ADRA1D: variants seen among roughly 807,000 people sequenced by gnomAD.
ADRA1D encodes the protein adrenoceptor alpha 1D, also known as alpha-1D adrenergic receptor.
Under a neutral mutation model 18.6 loss-of-function variants are expected in ADRA1D, and 22 were observed. The observed-to-expected ratio is 1.19, with a 90% CI of 0.85 to 1.69. The LOEUF is 1.69. Ranked by LOEUF, ADRA1D falls within the 40% of genes most tolerant of loss-of-function variation. The pLI is 0.00. For missense variants in ADRA1D, 840 were observed against 840.7 expected (o/e 1.00, Z 0.01); for synonymous variants, 376 against 388.2 (o/e 0.97, Z 0.37).
In ADRA1D at chr20:4,249,150, C is replaced by T; in HGVS notation, c.-193G>A. The T allele has an allele frequency of 3.6e-6, 1 of 274,252 alleles. No homozygotes were observed. Among genetic ancestry groups the T allele is most frequent in the Non-Finnish European group, 5.9e-6 (1 of 168,372 alleles). 17.0% of individuals were successfully genotyped at this position (274,252 alleles called of 1,614,324 possible). On this transcript the variant is annotated 5_prime_UTR_variant, in exon 1 of 2. Transcript: ENST00000379453. ...CTGCCTGGCCCGGGCGGCGGCCGGG[C>T]TCCCCGAGGCCGGCCGTGGAGTAGC...
chr20:4,228,237 G>C (rs989490134), intron 1 of ADRA1D, among the ~76,000 whole-genome samples: 1 of 152,110 alleles, frequency 6.6e-6, no homozygotes, highest in Non-Finnish European at 1.5e-5. Context: ...TCCTGACTCT[G>C]GAGCAATTTA....
intron 1 of ADRA1D, among the ~76,000 whole-genome samples, chr20:4,229,125 G>A (rs835882): frequency 0.049 from 7,455 of 152,226 alleles, 434 homozygotes; most frequent in African/African-American, 0.14. Context: ...AAATGTAGGA[G>A]CGCCTCATTT....
Position 4,249,159 on chromosome 20 carries a change from G to C in ADRA1D, c.-202C>G. On this transcript the variant is annotated 5_prime_UTR_variant, in exon 1 of 2. Transcript: ENST00000379453. ...CCGGGCGGCGGCCGGGCTCCCCGAG[G>C]CCGGCCGTGGAGTAGCACCGAAGAG... The C allele has an allele frequency of 4.2e-6, 1 of 239,560 alleles. No homozygotes were observed. Among genetic ancestry groups the C allele is most frequent in the Non-Finnish European group, 7.2e-6 (1 of 137,976 alleles). The allele number at this position is 239,560 out of a possible 1,614,324, so 14.8% of individuals were successfully genotyped here. A position where few individuals can be genotyped will look rare whatever the true frequency, so the allele number is the denominator to read the frequency against.
Position 4,240,885 on chromosome 20 carries a change from G to T in ADRA1D, c.1111+6962C>A, listed in dbSNP as rs1176882630. On this transcript the variant is annotated intron_variant, in intron 1 of 1. Transcript: ENST00000379453. The stretch of plus-strand genomic sequence containing the variant: ...CTAGGTTAGCTTTGGGGTGAAGCTG[G>T]GTCACAGGTACACAGGGGTTCATTA... Among the ~76,000 whole-genome samples, 3 of 152,058 alleles carry T rather than the reference G, an allele frequency of 2.0e-5. 1 individual carries two copies. Among genetic ancestry groups the T allele is most frequent in the Admixed American group, 2.0e-4 (3 of 15,268 alleles).
chr20:4,232,373 C>T (rs59976348), intron 1 of ADRA1D, among the ~76,000 whole-genome samples: 7,095 of 152,204 alleles, frequency 0.047, 371 homozygotes, highest in East Asian at 0.3. Context: ...GGGGTGATAG[C>T]GGCTTCTGGA....
chr20:4,248,413 G>A lies in ADRA1D; in HGVS notation c.545C>T (p.Ala182Val). 1.2e-6 allele frequency: 2 copies of A among 1,610,326 alleles called. No individual in the cohort carries two copies. Among genetic ancestry groups the A allele is most frequent in the Non-Finnish European group, 1.7e-6 (2 of 1,178,488 alleles). ...GATGGTGCAGAGGCTGAGGATGGAG[G>A]CCGTGCAGCACAGCACGTCCACGGC... Reference protein sequence around the residue: ...WAAVDVLCCTASILSLCTISV... With the variant: ...WAAVDVLCCTVSILSLCTISV... Residue 182 changes from alanine to valine, a missense_variant, in exon 1 of 2, where the codon GCC (alanine) becomes GTC (valine). Ala to Val is a moderately conservative substitution (Grantham distance 64, BLOSUM62 0). Transcript: ENST00000379453.
At chr20:4,237,327 A>G (rs1334121021) in intron 1 of ADRA1D, among the ~76,000 whole-genome samples, 1 of 152,094 alleles carries the variant, frequency 6.6e-6, no homozygotes, top group African/African-American at 2.4e-5. Context: ...CAGGAGTTGG[A>G]GGCTGCAGTG....
At chr20:4,223,651 C>T (rs897935266) in intron 1 of ADRA1D, among the ~76,000 whole-genome samples, 2 of 152,118 alleles carry the variant, frequency 1.3e-5, no homozygotes, top group East Asian at 3.9e-4. Context: ...AAGTGATACG[C>T]GTTCAGTAGA....
chr20:4,231,965 T>G (rs1237846659), intron 1 of ADRA1D, among the ~76,000 whole-genome samples: 1 of 151,996 alleles, frequency 6.6e-6, no homozygotes, highest in Non-Finnish European at 1.5e-5. Context: ...CAGGCTGGAG[T>G]GCAATGGCGT....
chr20:4,238,934 C>A (rs919021960), intron 1 of ADRA1D, among the ~76,000 whole-genome samples: 1 of 151,882 alleles, frequency 6.6e-6, no homozygotes, highest in Non-Finnish European at 1.5e-5. Flanking sequence ...GATGTGTAAT[C>A]GACTGGGAGA....
chr20:4,225,428 CTTTTTTTTT>C (rs11474446), intron 1 of ADRA1D, among the ~76,000 whole-genome samples: 3 of 119,540 alleles, frequency 2.5e-5, no homozygotes, highest in Non-Finnish European at 5.0e-5. Context: ...TTTTTTCTTT[CTTTTTTTTT>C]TTTTTTTGAG....
At chr20:4,246,094 G>T (rs6037793) in intron 1 of ADRA1D, among the ~76,000 whole-genome samples, 130,481 of 151,662 alleles carry the variant, frequency 0.86, 57,087 homozygotes, top group Middle Eastern at 0.98. Context: ...CGCAGCTAGC[G>T]GGAGGGAGGC....
At chr20:4,242,017 T>C (rs964887834) in intron 1 of ADRA1D, among the ~76,000 whole-genome samples, 3 of 152,278 alleles carry the variant, frequency 2.0e-5, no homozygotes, top group Admixed American at 6.5e-5. Context: ...GGTATGGAAC[T>C]GTCCCAGCCC....
At chr20:4,225,509 C>T (rs1220593137) in intron 1 of ADRA1D, among the ~76,000 whole-genome samples, 1 of 145,670 alleles carries the variant, frequency 6.9e-6, no homozygotes, top group African/African-American at 2.5e-5. Flanking sequence ...CTCACTACAA[C>T]CTCCACCTCC....
chr20:4,227,683 C>T (rs1264052293), intron 1 of ADRA1D, among the ~76,000 whole-genome samples: 7 of 80,174 alleles, frequency 8.7e-5, no homozygotes, highest in African/African-American at 3.7e-4. Flanking sequence ...TCCTTCCTTC[C>T]CTCTCTCCCT....
Position 4,248,558 on chromosome 20 carries a change from A to G in ADRA1D, c.400T>C (p.Phe134Leu). The change falls in exon 1 of 2, where the codon TTC becomes CTC. Residue 134 changes from phenylalanine (F) to leucine (L), a missense_variant. By Grantham distance (22) the Phe-to-Leu change is conservative. Coordinates refer to ENST00000379453, the MANE Select transcript of ADRA1D (RefSeq NM_000678.4). ...TCGGCCACGGCCAGGTTCACGATGA[A>G]ATAGTTGGTGACGGTCTGCAGGTGG... is the stretch of plus-strand genomic sequence containing the variant. ...NRHLQTVTNY[F>L]IVNLAVADLL... 2 of 1,613,874 alleles carry G rather than the reference A, an allele frequency of 1.2e-6. No homozygotes were observed. Among genetic ancestry groups the G allele is most frequent in the South Asian group, 1.1e-5 (1 of 91,046 alleles).
chr20:4,240,945 T>C (rs577915935), intron 1 of ADRA1D, among the ~76,000 whole-genome samples: 5 of 152,192 alleles, frequency 3.3e-5, no homozygotes, highest in Non-Finnish European at 7.3e-5. Context: ...TGTATGTGTT[T>C]GAAACTTTCC....
intron 1 of ADRA1D, among the ~76,000 whole-genome samples, chr20:4,245,516 G>T (rs763507683): frequency 6.6e-6 from 1 of 152,110 alleles, no homozygotes; most frequent in Non-Finnish European, 1.5e-5. Context: ...AGAGGAAGGG[G>T]TCTGAGGCAA....
At position 4,248,728 on chromosome 20, in the gene ADRA1D, G is replaced by T. The variant is rs61759853; in HGVS notation, c.230C>A (p.Ala77Glu). 13,210 of 1,547,154 alleles carry T rather than the reference G, an allele frequency of 8.5e-3. 64 individuals carry two copies. The highest frequency in any genetic ancestry group is 9.2e-3 in the Non-Finnish European group (10,572 of 1,146,022). Reference sequence around the variant, plus strand: ...CGCCGTGCCATTCACGTCGCCGCCCGCGCCCGCGCTCCCCGGCTCCCCCGC... The same window carrying T: ...CGCCGTGCCATTCACGTCGCCGCCCTCGCCCGCGCTCCCCGGCTCCCCCGC... Reference protein sequence around the residue: ...SSAGEPGSAGAGGDVNGTAAV... With the variant: ...SSAGEPGSAGEGGDVNGTAAV... The change falls in exon 1 of 2, where the codon GCG becomes GAG. Residue 77 changes from alanine (A) to glutamate (E), a missense_variant. Ala to Glu is a moderately radical substitution (Grantham distance 107, BLOSUM62 -1). Coordinates refer to ENST00000379453, the MANE Select transcript of ADRA1D (RefSeq NM_000678.4).
Sources: allele counts gnomAD v4.1 joint callset (sites outside exome capture counted in the v4.1 genomes callset), GRCh38; gene constraint gnomAD v4.1.1; transcripts MANE v1.5; gene names NCBI Gene and HGNC (gene_info 2026-07-23, HGNC 2026-07-21).